SAMD5: variants seen among roughly 807,000 people sequenced by gnomAD.
SAMD5 encodes the protein sterile alpha motif domain containing 5.
In SAMD5, 13 loss-of-function variants were observed where a neutral mutation model predicts 11.3. That is an observed-to-expected ratio of 1.15 (90% CI 0.75 to 1.83). The LOEUF (loss-of-function observed/expected upper bound fraction) is 1.83. SAMD5 is among the 40% of genes most tolerant of loss of function. SAMD5 has a pLI of 0.00. For missense variants in SAMD5, 255 were observed against 239.1 expected (o/e 1.07, Z -0.44); for synonymous variants, 129 against 111.3 (o/e 1.16, Z -1.00).
chr6:147,779,399 T>TA, the SAMD5 span, among the ~76,000 whole-genome samples: 1 of 152,122 alleles, frequency 6.6e-6, no homozygotes, highest in Non-Finnish European at 1.5e-5. Flanking sequence ...CACAGAACTT[T>TA]AAAAATGTTC....
intron 1 of SAMD5, among the ~76,000 whole-genome samples, chr6:147,646,643 A>G (rs908603600): frequency 7.2e-5 from 11 of 152,230 alleles, no homozygotes; most frequent in African/African-American, 2.4e-4. Context: ...AAATAAAACC[A>G]TATTCAGAAT....
At chr6:147,653,922 C>T (rs1790529195) in intron 1 of SAMD5, among the ~76,000 whole-genome samples, 1 of 152,142 alleles carries the variant, frequency 6.6e-6, no homozygotes, top group Non-Finnish European at 1.5e-5. Context: ...GAGAAGTTGC[C>T]TTTGAGACTT....
chr6:147,906,081 T>C, the SAMD5 span, among the ~76,000 whole-genome samples: 1 of 152,206 alleles, frequency 6.6e-6, no homozygotes, highest in Non-Finnish European at 1.5e-5. Flanking sequence ...ATGAAAATAG[T>C]CACACAGCAT....
intron 1 of SAMD5, among the ~76,000 whole-genome samples, chr6:147,614,484 A>G (rs1304447011): frequency 2.0e-5 from 3 of 151,440 alleles, no homozygotes; most frequent in Non-Finnish European, 1.5e-5. Flanking sequence ...AAAAAAAGAT[A>G]AGCTGATAAA....
chr6:147,951,872 A>G, the SAMD5 span, among the ~76,000 whole-genome samples: 3 of 152,192 alleles, frequency 2.0e-5, no homozygotes, highest in Admixed American at 6.5e-5. Flanking sequence ...AAGACTCTTA[A>G]TGTGTATTAG....
At chr6:147,864,158 A>G in the SAMD5 span, among the ~76,000 whole-genome samples, 1 of 152,080 alleles carries the variant, frequency 6.6e-6, no homozygotes, top group Non-Finnish European at 1.5e-5. Flanking sequence ...GTTTGCCACC[A>G]AACAGCATAA....
rs1791754536 is a variant in SAMD5 at position 147,733,846 on chromosome 6, T to G, written c.163-3471T>G. The G allele has an allele frequency of 1.2e-5, 6 of 515,700 alleles. No individual in the cohort carries two copies. The South Asian group carries it at 5.0e-4, about 43-fold the overall frequency. 31.9% of individuals were successfully genotyped at this position (515,700 alleles called of 1,614,324 possible). On this transcript the variant is annotated intron_variant, in intron 1 of 1. Transcript: ENST00000566741. ...TGAGATTTTTGCAGAGTTAAAACAC[T>G]TGGCCTGTCCCTGCAGCTGGAAAAG...
the SAMD5 span, among the ~76,000 whole-genome samples, chr6:147,801,086 C>T: frequency 2.0e-5 from 3 of 152,092 alleles, no homozygotes; most frequent in Non-Finnish European, 2.9e-5. Flanking sequence ...AGTTTGCTCT[C>T]CACATACGGT....
At chr6:147,530,319 A>G (rs372933561) in intron 1 of SAMD5, among the ~76,000 whole-genome samples, 1 of 152,256 alleles carries the variant, frequency 6.6e-6, no homozygotes, top group East Asian at 1.9e-4. Flanking sequence ...TTGTGCACAC[A>G]AGCACTGCCC....
At chr6:147,561,931 C>T (rs374968811) in intron 1 of SAMD5, among the ~76,000 whole-genome samples, 81 of 152,304 alleles carry the variant, frequency 5.3e-4, no homozygotes, top group African/African-American at 1.9e-3. Context: ...TGTGACTGCT[C>T]TCACATCTTG....
chr6:147,601,501 C>A (rs763946737), intron 1 of SAMD5, among the ~76,000 whole-genome samples: 2 of 151,944 alleles, frequency 1.3e-5, no homozygotes, highest in Non-Finnish European at 2.9e-5. Flanking sequence ...AAATTGTACA[C>A]GTCAGTTTAA....
the SAMD5 span, among the ~76,000 whole-genome samples, chr6:147,868,231 T>C: frequency 6.6e-6 from 1 of 152,234 alleles, no homozygotes; most frequent in Non-Finnish European, 1.5e-5. Context: ...AGATGGCTTC[T>C]TGGGTTATAT....
At chr6:147,829,581 A>G in the SAMD5 span, among the ~76,000 whole-genome samples, 1 of 152,216 alleles carries the variant, frequency 6.6e-6, no homozygotes, top group African/African-American at 2.4e-5. Context: ...ATATATTTAT[A>G]TATGCATATA....
At chr6:147,615,234 C>T (rs986429712) in intron 1 of SAMD5, among the ~76,000 whole-genome samples, 7 of 150,184 alleles carry the variant, frequency 4.7e-5, no homozygotes, top group African/African-American at 1.3e-4. Flanking sequence ...AAAGTATACA[C>T]GTAGAACAGT....
intron 1 of SAMD5, among the ~76,000 whole-genome samples, chr6:147,710,340 A>G (rs1237163798): frequency 2.6e-5 from 4 of 152,204 alleles, no homozygotes; most frequent in Admixed American, 6.5e-5. Context: ...TTAGTTGCCT[A>G]TGGTTAACTG....
rs1788914417 is a variant in SAMD5, at chr6:147,559,566, C to G, written c.460-4828C>G. 2.0e-5 allele frequency among the ~76,000 whole-genome samples: 3 copies of G among 152,034 alleles called. No individual in the cohort carries two copies. The South Asian group carries it at 6.2e-4, about 32-fold the overall frequency. On this transcript the variant is annotated intron_variant, in intron 1 of 1. Transcript: ENST00000367474. ...AACTTGTGTGGCCCTGAAGAGGCAG[C>G]GAGAAGCCCTGAATTTTTCTCCAGG...
chr6:147,918,648 A>T, the SAMD5 span, among the ~76,000 whole-genome samples: 90,710 of 150,284 alleles, frequency 0.6, 28,426 homozygotes, highest in African/African-American at 0.78. Context: ...TTCAGGGAAG[A>T]CTCAGGATAC....
intron 1 of SAMD5, among the ~76,000 whole-genome samples, chr6:147,624,628 C>T (rs867315704): frequency 3.3e-5 from 5 of 152,158 alleles, no homozygotes; most frequent in South Asian, 4.1e-4. Context: ...TTTATCCACT[C>T]GTTGATTGAT....
chr6:147,712,504 T>C (rs1265580589), intron 1 of SAMD5, among the ~76,000 whole-genome samples: 1 of 152,224 alleles, frequency 6.6e-6, no homozygotes, highest in African/African-American at 2.4e-5. Context: ...GGCTGAATGT[T>C]TGCTTCTCCC....
Sources: allele counts gnomAD v4.1 joint callset (sites outside exome capture counted in the v4.1 genomes callset), GRCh38; gene constraint gnomAD v4.1.1; transcripts MANE v1.5; gene names NCBI Gene and HGNC (gene_info 2026-07-23, HGNC 2026-07-21).